SEPTIN14: variants seen among roughly 807,000 people sequenced by gnomAD.
SEPTIN14 encodes the protein septin-14.
Under a neutral mutation model 53.6 loss-of-function variants are expected in SEPTIN14, and 40 were observed. The ratio of observed to expected loss-of-function variants is 0.75; its 90% CI spans 0.58 to 0.97. SEPTIN14 has a LOEUF of 0.97. SEPTIN14 is among the 50% of genes least tolerant of loss of function. The pLI is 0.00. For synonymous variants in SEPTIN14, 138 were observed against 166.8 expected (o/e 0.83, Z 1.33); for missense variants, 471 against 508.2 (o/e 0.93, Z 0.70).
rs780583560 is a variant in SEPTIN14, at chr7:55,844,699, T to C, written c.195A>G (p.Lys65=). The C allele has an allele frequency of 3.5e-5, 55 of 1,593,122 alleles. No homozygotes were observed. Among genetic ancestry groups the C allele is most frequent in the Non-Finnish European group, 4.5e-5 (53 of 1,165,930 alleles). The change falls in exon 4 of 10, where the codon AAA becomes AAG. Residue 65 remains lysine, a synonymous_variant. Coordinates refer to ENST00000388975, the MANE Select transcript of SEPTIN14 (RefSeq NM_207366.3). ...TAAACAATGTGTCTATCAGTGTCGA[T>C]TTTCCAATTCCAGTCTCCCCTGTAA... ...ILCVGETGIG[K]STLIDTLFNT...
At chr7:55,826,109 A>G (rs1345495550) in intron 6 of SEPTIN14, among the ~76,000 whole-genome samples, 1 of 152,066 alleles carries the variant, frequency 6.6e-6, no homozygotes, top group Non-Finnish European at 1.5e-5. Context: ...TCAAAAAAAA[A>G]AAAAAGTCAC....
intron 6 of SEPTIN14, among the ~76,000 whole-genome samples, chr7:55,820,383 G>A (rs573353442): frequency 2.6e-5 from 4 of 152,222 alleles, no homozygotes; most frequent in African/African-American, 9.6e-5. Context: ...AATAAAGGAG[G>A]TGTAAATTAT....
chr7:55,806,875 A>C (rs1788618077), intron 8 of SEPTIN14, among the ~76,000 whole-genome samples: 1 of 152,218 alleles, frequency 6.6e-6, no homozygotes, highest in South Asian at 2.1e-4. Context: ...TTGAATACAC[A>C]TATTTCAGCA....
At position 55,806,787 on chromosome 7, in the gene SEPTIN14, A is replaced by G. The variant is rs577587141; in HGVS notation, c.986+303T>C. ...CTATCCTTTCTTTCACATAATACAG[A>G]TACATTTCATATAAATACAAAAAAT... On this transcript the variant is annotated intron_variant, in intron 8 of 9. Coordinates refer to ENST00000388975, the MANE Select transcript of SEPTIN14 (RefSeq NM_207366.3). Among the ~76,000 whole-genome samples the G allele has an allele frequency of 4.6e-5, 7 of 152,258 alleles. No individual in the cohort carries two copies. In the South Asian group the frequency reaches 1.5e-3, roughly 32 times the overall value.
At chr7:55,804,250 A>C (rs916531851) in intron 9 of SEPTIN14, among the ~76,000 whole-genome samples, 14 of 148,130 alleles carry the variant, frequency 9.5e-5, no homozygotes, top group Non-Finnish European at 1.6e-4. Flanking sequence ...ACCTAAGCTA[A>C]TGGTTTGGTT....
chr7:55,834,528 G>A lies in SEPTIN14; in HGVS notation c.617C>T (p.Thr206Met), dbSNP rs761205837. Residue 206 changes from threonine to methionine, a missense_variant, in exon 6 of 10, where the codon ACG becomes ATG. Coordinates refer to ENST00000388975, the MANE Select transcript of SEPTIN14 (RefSeq NM_207366.3). ...ADTISKNDLQ[T>M]FKNKIMSELI... is the part of the protein sequence containing the mutation. Reference sequence around the variant, plus strand: ...TTCACTCATTATCTTATTCTTAAACGTCTGTAAATCATTTTTAGAAATAGT... The same window carrying A: ...TTCACTCATTATCTTATTCTTAAACATCTGTAAATCATTTTTAGAAATAGT... The A allele has an allele frequency of 3.7e-6, 6 of 1,609,816 alleles. No individual in the cohort carries two copies. The highest frequency in any genetic ancestry group is 1.7e-5 in the Admixed American group (1 of 59,928).
intron 6 of SEPTIN14, among the ~76,000 whole-genome samples, chr7:55,832,464 C>T (rs1789126855): frequency 6.6e-6 from 1 of 152,166 alleles, no homozygotes; most frequent in South Asian, 2.1e-4. Flanking sequence ...ATGTGTATTA[C>T]ATTCCTACTC....
chr7:55,844,126 A>G (rs968224464), intron 4 of SEPTIN14, among the ~76,000 whole-genome samples: 1 of 152,292 alleles, frequency 6.6e-6, no homozygotes, highest in South Asian at 2.1e-4. Flanking sequence ...GATGGAATGA[A>G]AAACTGTCTC....
chr7:55,817,370 T>A (rs1400307651), intron 7 of SEPTIN14, among the ~76,000 whole-genome samples: 1 of 151,922 alleles, frequency 6.6e-6, no homozygotes, highest in Non-Finnish European at 1.5e-5. Context: ...GTAGGAGAGA[T>A]GTTGGTCAAA....
intron 9 of SEPTIN14, 79 bp downstream of exon 9, chr7:55,805,179 A>C: frequency 2.3e-6 from 3 of 1,319,488 alleles, no homozygotes; most frequent in Non-Finnish European, 3.2e-6. Context: ...AACATCAAGT[A>C]AACTCTTGAG....
chr7:55,809,811 G>C (rs1486225100), intron 7 of SEPTIN14, among the ~76,000 whole-genome samples: 1 of 143,324 alleles, frequency 7.0e-6, no homozygotes, highest in Non-Finnish European at 1.5e-5. Context: ...CCATATGCTT[G>C]CCAGCACTTG....
intron 7 of SEPTIN14, among the ~76,000 whole-genome samples, chr7:55,817,439 G>A (rs1788811472): frequency 6.6e-6 from 1 of 150,894 alleles, no homozygotes; most frequent in Admixed American, 6.6e-5. Context: ...ACAACATAGT[G>A]ACCATGTTAA....
chr7:55,821,851 G>A (rs745416635), intron 6 of SEPTIN14, among the ~76,000 whole-genome samples: 1 of 152,118 alleles, frequency 6.6e-6, no homozygotes, highest in African/African-American at 2.4e-5. Flanking sequence ...CTGTTTTAAC[G>A]CTACTGATAA....
chr7:55,825,186 CA>C, intron 6 of SEPTIN14, among the ~76,000 whole-genome samples: 1 of 151,956 alleles, frequency 6.6e-6, no homozygotes, highest in East Asian at 1.9e-4. Flanking sequence ...TATCAAGCCA[CA>C]AAAAAAGACA....
intron 7 of SEPTIN14, among the ~76,000 whole-genome samples, chr7:55,809,751 C>T (rs1024659284): frequency 5.4e-5 from 8 of 148,242 alleles, no homozygotes; most frequent in Admixed American, 4.7e-4. Flanking sequence ...ACATGTACCC[C>T]TGAACCTAAA....
intron 6 of SEPTIN14, among the ~76,000 whole-genome samples, chr7:55,823,486 T>C (rs368671660): frequency 1.3e-4 from 20 of 152,256 alleles, no homozygotes; most frequent in African/African-American, 4.6e-4. Flanking sequence ...CAAGAGCTCA[T>C]GAACTGCTGA....
intron 2 of SEPTIN14, among the ~76,000 whole-genome samples, chr7:55,857,695 C>T (rs1432180373): frequency 1.3e-4 from 18 of 141,652 alleles, no homozygotes; most frequent in African/African-American, 3.9e-4. Flanking sequence ...TCACGCCATT[C>T]TCCTGCCTCA....
intron 6 of SEPTIN14, among the ~76,000 whole-genome samples, chr7:55,828,589 C>T (rs1214986240): frequency 6.6e-6 from 1 of 152,096 alleles, no homozygotes; most frequent in South Asian, 2.1e-4. Context: ...CAGGCGTGAG[C>T]CACTGCACCC....
At chr7:55,816,878 G>A (rs1185859586) in intron 7 of SEPTIN14, among the ~76,000 whole-genome samples, 1 of 152,066 alleles carries the variant, frequency 6.6e-6, no homozygotes, top group Non-Finnish European at 1.5e-5. Flanking sequence ...AACAAGTGCT[G>A]GTAAGGATGT....
Sources: allele counts gnomAD v4.1 joint callset (sites outside exome capture counted in the v4.1 genomes callset), GRCh38; gene constraint gnomAD v4.1.1; transcripts MANE v1.5; gene names NCBI Gene and HGNC (gene_info 2026-07-23, HGNC 2026-07-21).